Variants in AGBL1 observed in about 807,000 individuals in gnomAD.
AGBL1 encodes AGBL carboxypeptidase 1, also known as cytosolic carboxypeptidase 4.
AGBL1 carries 130 observed loss-of-function variants against 118.9 expected under a neutral mutation model. The ratio of observed to expected loss-of-function variants is 1.09; its 90% CI spans 0.95 to 1.26. The LOEUF (loss-of-function observed/expected upper bound fraction) is 1.26. Among genes scored for constraint, AGBL1 ranks in the 50% most tolerant of loss-of-function variants. The pLI, the probability that AGBL1 is intolerant of heterozygous loss-of-function variation, is 0.00. For missense variants in AGBL1, 1,584 were observed against 1,298.1 expected, an observed-to-expected ratio of 1.22 and a Z score of -3.38; for synonymous variants, 555 against 478.9, an observed-to-expected ratio of 1.16 and a Z score of -2.08.
rs143870524 is a variant in AGBL1, at chr15:86,663,355, C to A, written c.2995-10918C>A. Among the ~76,000 whole-genome samples, 431 of 152,298 alleles carry A rather than the reference C, an allele frequency of 2.8e-3. 3 individuals carry two copies. The highest frequency in any genetic ancestry group is 1.0e-2 in the African/African-American group (414 of 41,572). ...TATGTAACCATGGGGAGAGCAGCAC[C>A]TTTCTCCTTCTTCCCTCACTCTGTG... On this transcript the variant is annotated intron_variant, in intron 21 of 22. Transcript: ENST00000614907.
chr15:86,385,195 T>C (rs1392823233), intron 17 of AGBL1, among the ~76,000 whole-genome samples: 2 of 152,018 alleles, frequency 1.3e-5, no homozygotes, highest in Non-Finnish European at 2.9e-5. Context: ...TTTTTTCATA[T>C]GATAACATAT....
chr15:86,305,736 C>T (rs1479295247), intron 17 of AGBL1, among the ~76,000 whole-genome samples: 1 of 152,136 alleles, frequency 6.6e-6, no homozygotes, highest in Non-Finnish European at 1.5e-5. Flanking sequence ...TGCACACTCA[C>T]ATACTGACGC....
chr15:86,861,141 A>T (rs940033454), intron 22 of AGBL1, among the ~76,000 whole-genome samples: 1 of 152,028 alleles, frequency 6.6e-6, no homozygotes, highest in Non-Finnish European at 1.5e-5. Context: ...ACTGCTCCCA[A>T]ATTTTTTCTA....
chr15:86,616,080 T>C (rs1161285965), intron 21 of AGBL1, among the ~76,000 whole-genome samples: 1 of 152,136 alleles, frequency 6.6e-6, no homozygotes, highest in African/African-American at 2.4e-5. Flanking sequence ...CTCACCCCTG[T>C]AATCCCAGCG....
In AGBL1 at chr15:86,967,679, T is replaced by A. The variant is rs368478859; in HGVS notation, c.3222-20308T>A. Among the ~76,000 whole-genome samples, 5 of 152,178 alleles carry A rather than the reference T, an allele frequency of 3.3e-5. No homozygotes were observed. The South Asian group carries it at 6.2e-4, about 19-fold the overall frequency. ...CTGAGGGTTCTATTCTGTTCCATTG[T>A]TCTATATCTCTGTTTTGGTACCAGG... On this transcript the variant is annotated intron_variant, in intron 23 of 24. Transcript: ENST00000441037.
intron 5 of AGBL1, among the ~76,000 whole-genome samples, chr15:86,206,986 T>C (rs1243322895): frequency 1.3e-5 from 2 of 152,256 alleles, no homozygotes; most frequent in African/African-American, 4.8e-5. Flanking sequence ...TTAATTTTTG[T>C]ATAAGATATA....
intron 22 of AGBL1, among the ~76,000 whole-genome samples, chr15:86,871,996 A>G (rs1327551317): frequency 6.6e-6 from 1 of 152,242 alleles, no homozygotes; most frequent in African/African-American, 2.4e-5. Flanking sequence ...TGGTATTCAT[A>G]TCTCCATTTT....
intron 6 of AGBL1, among the ~76,000 whole-genome samples, chr15:86,240,590 G>A (rs1208575174): frequency 6.6e-6 from 1 of 152,140 alleles, no homozygotes; most frequent in Non-Finnish European, 1.5e-5. Context: ...AGGTTGGGAG[G>A]AAGGGATTTG....
chr15:86,814,212 C>T (rs536154018), intron 22 of AGBL1, among the ~76,000 whole-genome samples: 1 of 152,270 alleles, frequency 6.6e-6, no homozygotes, highest in Non-Finnish European at 1.5e-5. Flanking sequence ...TGTAGGAGCA[C>T]GAGACCTGTT....
chr15:86,130,480 G>A (rs191139034), intron 1 of AGBL1, among the ~76,000 whole-genome samples: 6 of 152,212 alleles, frequency 3.9e-5, no homozygotes, highest in Admixed American at 6.5e-5. Context: ...GGGGTCCAGG[G>A]AAAGTAAATG....
chr15:86,983,050 T>C (rs919200391), intron 23 of AGBL1, among the ~76,000 whole-genome samples: 1 of 152,210 alleles, frequency 6.6e-6, no homozygotes, highest in African/African-American at 2.4e-5. Context: ...TTTACTATTA[T>C]CACACCTTTT....
rs1393810820 is a variant in AGBL1, at chr15:86,964,801, GC to G, written c.3222-23182del. Among the ~76,000 whole-genome samples, 5 of 151,948 alleles carry G rather than the reference GC, an allele frequency of 3.3e-5. No homozygotes were observed. The East Asian group carries it at 9.7e-4, about 30-fold the overall frequency. On this transcript the variant is annotated intron_variant, in intron 23 of 24. Coordinates refer to the AGBL1 transcript ENST00000441037. ...TCCCCTACCCCCCAACCCCTGACAGGCCCCGGTGTGTAACATTGCCCTCCCT... is the reference window on the plus strand; with the variant it reads ...TCCCCTACCCCCCAACCCCTGACAGGCCCGGTGTGTAACATTGCCCTCCCT...
intron 16 of AGBL1, among the ~76,000 whole-genome samples, chr15:86,285,535 T>C (rs917550061): frequency 2.0e-5 from 3 of 152,172 alleles, no homozygotes; most frequent in African/African-American, 4.8e-5. Context: ...CCTGCCACCA[T>C]GTAAGACGTG....
intron 21 of AGBL1, among the ~76,000 whole-genome samples, chr15:86,559,835 G>A (rs1304314656): frequency 1.3e-5 from 2 of 152,142 alleles, no homozygotes; most frequent in Non-Finnish European, 2.9e-5. Context: ...CGTGCTTTCT[G>A]TCTAGTAGAA....
chr15:86,108,010 A>G (rs572810620), intron 1 of AGBL1, among the ~76,000 whole-genome samples: 51 of 152,344 alleles, frequency 3.3e-4, no homozygotes, highest in African/African-American at 1.2e-3. Context: ...ATGTCATGCT[A>G]TAAAATCTGT....
chr15:86,121,251 G>A (rs573329062), intron 1 of AGBL1, among the ~76,000 whole-genome samples: 4 of 152,190 alleles, frequency 2.6e-5, no homozygotes, highest in African/African-American at 9.6e-5. Context: ...TAGAACAATT[G>A]AAAATTGAAT....
At chr15:86,374,317 A>T (rs1193165317) in intron 17 of AGBL1, among the ~76,000 whole-genome samples, 1 of 152,224 alleles carries the variant, frequency 6.6e-6, no homozygotes, top group Admixed American at 6.5e-5. Context: ...GTGTTATTTT[A>T]TGTTTCATGG....
At chr15:86,857,451 T>G (rs1414088404) in intron 22 of AGBL1, among the ~76,000 whole-genome samples, 2 of 152,200 alleles carry the variant, frequency 1.3e-5, no homozygotes, top group Non-Finnish European at 2.9e-5. Flanking sequence ...TTCATCTGTT[T>G]TCACATGGTC....
chr15:86,111,387 T>C (rs182412732), intron 1 of AGBL1, among the ~76,000 whole-genome samples: 83 of 152,194 alleles, frequency 5.5e-4, no homozygotes, highest in African/African-American at 2.0e-3. Context: ...ATTCAGCTGC[T>C]AGGAGAGTGA....
Sources: gnomAD v4.1 joint callset for allele counts (sites outside exome capture counted in the v4.1 genomes callset) on GRCh38, gnomAD v4.1.1 for gene constraint, MANE v1.5 for transcripts, NCBI Gene and HGNC (gene_info 2026-07-23, HGNC 2026-07-21) for gene names.